Variants in CTNNA2 observed in about 807,000 individuals in gnomAD.
The protein encoded by CTNNA2 is catenin alpha 2.
A neutral mutation model predicts 101.0 loss-of-function variants in CTNNA2; 42 were observed. The ratio of observed to expected loss-of-function variants is 0.42; its 90% CI spans 0.32 to 0.54. The LOEUF (loss-of-function observed/expected upper bound fraction) is 0.54. Ranked by LOEUF, CTNNA2 falls within the 20% of genes least tolerant of loss-of-function variation. The pLI is 0.14. For missense variants in CTNNA2, 871 were observed against 1,223.1 expected, an observed-to-expected ratio of 0.71 and a Z score of 4.29; for synonymous variants, 450 against 456.4, an observed-to-expected ratio of 0.99 and a Z score of 0.18.
At chr2:80,280,759 C>T (rs1674318030) in intron 7 of CTNNA2, among the ~76,000 whole-genome samples, 1 of 152,010 alleles carries the variant, frequency 6.6e-6, no homozygotes. Flanking sequence ...TTGCACTGTC[C>T]TGCTCAGTCC....
intron 1 of CTNNA2, among the ~76,000 whole-genome samples, chr2:79,629,880 C>T (rs1679573426): frequency 6.6e-6 from 1 of 152,100 alleles, no homozygotes; most frequent in Non-Finnish European, 1.5e-5. Flanking sequence ...CCAAATGTAT[C>T]AAACAACTTG....
At chr2:80,554,104 T>G (rs1488149565) in intron 11 of CTNNA2, among the ~76,000 whole-genome samples, 1 of 152,214 alleles carries the variant, frequency 6.6e-6, no homozygotes, top group East Asian at 1.9e-4. Context: ...AAATGGATGT[T>G]CTTTATGAAA....
chr2:80,565,729 G>C (rs1007551736), intron 12 of CTNNA2, among the ~76,000 whole-genome samples: 1 of 152,118 alleles, frequency 6.6e-6, no homozygotes, highest in African/African-American at 2.4e-5. Context: ...TTGTTTGTAA[G>C]TGCCTCCAAA....
intron 4 of CTNNA2, among the ~76,000 whole-genome samples, chr2:79,487,414 G>C (rs1671168717): frequency 1.3e-5 from 2 of 152,206 alleles, no homozygotes; most frequent in Non-Finnish European, 2.9e-5. Flanking sequence ...CTAAGTGGCT[G>C]GCTTGGTCAA....
At chr2:80,109,473 A>G (rs1317459294) in intron 7 of CTNNA2, among the ~76,000 whole-genome samples, 1 of 151,992 alleles carries the variant, frequency 6.6e-6, no homozygotes, top group African/African-American at 2.4e-5. Context: ...GAAACAAACA[A>G]ACAAACAAAC....
Position 80,237,823 on chromosome 2 carries a change from A to G in CTNNA2, c.1057-155388A>G, listed in dbSNP as rs1288924487. On this transcript the variant is annotated intron_variant, in intron 7 of 18. Coordinates refer to ENST00000402739, the MANE Select transcript of CTNNA2 (RefSeq NM_001282597.3). ...AAAGGATTTGCTTTATGAAGACTCT[A>G]TATCCTGGGCAAAGTGGTGGTGGGT... Among the ~76,000 whole-genome samples, 6 of 152,158 alleles carry G rather than the reference A, an allele frequency of 3.9e-5. No homozygotes were observed. In the East Asian group the frequency reaches 1.2e-3, roughly 29 times the overall value.
At chr2:79,819,708 T>G (rs941345306) in intron 3 of CTNNA2, among the ~76,000 whole-genome samples, 1 of 152,090 alleles carries the variant, frequency 6.6e-6, no homozygotes, top group Non-Finnish European at 1.5e-5. Context: ...ATAGAAGGAA[T>G]AAGATCTAGT....
intron 9 of CTNNA2, among the ~76,000 whole-genome samples, chr2:80,470,529 T>A (rs1287245268): frequency 6.6e-6 from 1 of 152,050 alleles, no homozygotes; most frequent in Non-Finnish European, 1.5e-5. Flanking sequence ...TACACCCAGC[T>A]CTCCTCCTGG....
chr2:80,189,385 A>T (rs1706329908), intron 7 of CTNNA2, among the ~76,000 whole-genome samples: 1 of 151,962 alleles, frequency 6.6e-6, no homozygotes, highest in Non-Finnish European at 1.5e-5. Flanking sequence ...CCACTTCTCA[A>T]CTCTAGCTGA....
chr2:79,617,718 T>C (rs942269047), intron 1 of CTNNA2, among the ~76,000 whole-genome samples: 1 of 152,194 alleles, frequency 6.6e-6, no homozygotes, highest in African/African-American at 2.4e-5. Context: ...CCAATAGTGG[T>C]AAAATCATGA....
intron 8 of CTNNA2, among the ~76,000 whole-genome samples, chr2:80,407,683 G>A (rs2149389054): frequency 6.6e-6 from 1 of 152,278 alleles, no homozygotes; most frequent in African/African-American, 2.4e-5. Flanking sequence ...AAAGGACCTT[G>A]AATCCAACTA....
At chr2:80,276,126 C>T (rs753728551) in intron 7 of CTNNA2, among the ~76,000 whole-genome samples, 4 of 152,208 alleles carry the variant, frequency 2.6e-5, no homozygotes, top group South Asian at 2.1e-4. Flanking sequence ...AAGAGATAGT[C>T]GGATATTCAA....
intron 18 of CTNNA2, among the ~76,000 whole-genome samples, chr2:80,646,276 C>G (rs1479938308): frequency 6.6e-6 from 1 of 152,088 alleles, no homozygotes; most frequent in Non-Finnish European, 1.5e-5. Context: ...AACAAATAAT[C>G]TCTCCAACTA....
chr2:79,256,239 A>T (rs951503454), intron 2 of CTNNA2, among the ~76,000 whole-genome samples: 10 of 152,154 alleles, frequency 6.6e-5, no homozygotes, highest in Non-Finnish European at 2.9e-5. Context: ...AAACACACAG[A>T]TCATCAATTC....
chr2:80,058,921 T>C (rs905970980), intron 7 of CTNNA2, among the ~76,000 whole-genome samples: 7 of 152,204 alleles, frequency 4.6e-5, no homozygotes, highest in Non-Finnish European at 7.3e-5. Context: ...TTTCTGATTT[T>C]CCTGATTTAC....
intron 1 of CTNNA2, among the ~76,000 whole-genome samples, chr2:79,563,161 G>GTATATATATATATATATATATATA (rs71385287): frequency 7.6e-5 from 6 of 78,620 alleles, no homozygotes; most frequent in African/African-American, 2.4e-4. Context: ...ATAAAGATGT[G>GTATATATATATATATATATATATA]TATATATATA....
chr2:79,575,029 G>A (rs1205645750), intron 1 of CTNNA2, among the ~76,000 whole-genome samples: 3 of 152,068 alleles, frequency 2.0e-5, no homozygotes, highest in Admixed American at 1.3e-4. Flanking sequence ...AAAAGCGTTG[G>A]TTCGTGTCCT....
chr2:79,706,659 A>G (rs893623326), intron 2 of CTNNA2, among the ~76,000 whole-genome samples: 4 of 152,194 alleles, frequency 2.6e-5, no homozygotes, highest in Non-Finnish European at 5.9e-5. Flanking sequence ...CTCACATGGT[A>G]GTAAGAGTCC....
At chr2:80,443,991 A>G (rs1017376000) in intron 9 of CTNNA2, among the ~76,000 whole-genome samples, 6 of 152,178 alleles carry the variant, frequency 3.9e-5, no homozygotes, top group African/African-American at 1.4e-4. Flanking sequence ...CATGACATGA[A>G]TAGGTTAAAA....
Sources: allele counts gnomAD v4.1 joint callset (sites outside exome capture counted in the v4.1 genomes callset), GRCh38; gene constraint gnomAD v4.1.1; transcripts MANE v1.5; gene names NCBI Gene and HGNC (gene_info 2026-07-23, HGNC 2026-07-21).